CCDC60: variants seen among roughly 807,000 people sequenced by gnomAD.
CCDC60 encodes the protein coiled-coil domain-containing protein 60.
CCDC60 carries 54 observed loss-of-function variants against 63.5 expected under a neutral mutation model. The observed-to-expected ratio is 0.85, with a 90% CI of 0.68 to 1.07. The LOEUF is 1.07. Among genes scored for constraint, CCDC60 ranks in the 50% least tolerant of loss-of-function variants. The pLI, the probability that CCDC60 is intolerant of heterozygous loss-of-function variation, is 0.00. For synonymous variants in CCDC60, 206 were observed against 238.8 expected (o/e 0.86, Z 1.27); for missense variants, 651 against 684.3 (o/e 0.95, Z 0.54).
chr12:119,475,784 TG>T (rs1323477075), intron 3 of CCDC60, among the ~76,000 whole-genome samples: 3 of 152,186 alleles, frequency 2.0e-5, no homozygotes, highest in African/African-American at 7.2e-5. Flanking sequence ...GAGGATTAAA[TG>T]AAATGATACT....
At chr12:119,504,910 C>T (rs1951950029) in intron 6 of CCDC60, among the ~76,000 whole-genome samples, 159 bp from the exon 7 acceptor site, 1 of 152,156 alleles carries the variant, frequency 6.6e-6, no homozygotes, top group African/African-American at 2.4e-5. Context: ...CAGAATATAT[C>T]TCATGGTGTT....
At chr12:119,368,083 G>A (rs1955860202) in intron 1 of CCDC60, among the ~76,000 whole-genome samples, 1 of 150,088 alleles carries the variant, frequency 6.7e-6, no homozygotes, top group Admixed American at 6.7e-5. Context: ...AGAAGAAGGA[G>A]GAGGGGGAGG....
intron 1 of CCDC60, among the ~76,000 whole-genome samples, chr12:119,374,985 C>T (rs758519754): frequency 5.9e-5 from 9 of 152,060 alleles, no homozygotes; most frequent in African/African-American, 1.7e-4. Context: ...GCTTCCTTAC[C>T]GCATACTGTA....
At chr12:119,437,362 A>G (rs1253835422) in intron 2 of CCDC60, among the ~76,000 whole-genome samples, 4 of 152,208 alleles carry the variant, frequency 2.6e-5, no homozygotes, top group Non-Finnish European at 1.5e-5. Context: ...ATTCGAACCC[A>G]GATTTTCTAA....
intron 1 of CCDC60, among the ~76,000 whole-genome samples, chr12:119,398,621 C>A (rs1956330436): frequency 6.6e-6 from 1 of 152,236 alleles, no homozygotes; most frequent in Non-Finnish European, 1.5e-5. Context: ...GGCAGCAGAG[C>A]AAAACTCCAT....
intron 7 of CCDC60, among the ~76,000 whole-genome samples, chr12:119,508,688 C>T (rs189698276): frequency 3.2e-4 from 48 of 152,216 alleles, no homozygotes; most frequent in Admixed American, 7.2e-4. Context: ...GGCCAGAGCA[C>T]GCAGGGCCTT....
chr12:119,446,171 A>G (rs747317073), intron 2 of CCDC60, among the ~76,000 whole-genome samples: 3 of 152,272 alleles, frequency 2.0e-5, no homozygotes, highest in Non-Finnish European at 4.4e-5. Flanking sequence ...AGTCTCAAAA[A>G]AAAAGCTTAC....
chr12:119,525,377 A>C (rs776002264), intron 11 of CCDC60, among the ~76,000 whole-genome samples: 1 of 152,208 alleles, frequency 6.6e-6, no homozygotes, highest in African/African-American at 2.4e-5. Flanking sequence ...ATAATGAAGA[A>C]TGTTAAAGGC....
chr12:119,454,904 A>C (rs918611483), intron 2 of CCDC60, among the ~76,000 whole-genome samples: 1 of 152,188 alleles, frequency 6.6e-6, no homozygotes, highest in Admixed American at 6.5e-5. Context: ...ATTTGCTTCC[A>C]TCTGCCAGAA....
chr12:119,476,905 C>T (rs1293994075), intron 3 of CCDC60, among the ~76,000 whole-genome samples: 1 of 152,222 alleles, frequency 6.6e-6, no homozygotes, highest in Non-Finnish European at 1.5e-5. Flanking sequence ...TCCATTCAAC[C>T]TTCAGATTTC....
intron 1 of CCDC60, among the ~76,000 whole-genome samples, chr12:119,354,639 T>G (rs1279990917): frequency 6.6e-6 from 1 of 152,174 alleles, no homozygotes; most frequent in African/African-American, 2.4e-5. Flanking sequence ...TCCAGGCAAA[T>G]GGATGTGAGT....
At chr12:119,424,427 G>A (rs958902263) in intron 1 of CCDC60, among the ~76,000 whole-genome samples, 4 of 152,116 alleles carry the variant, frequency 2.6e-5, no homozygotes, top group African/African-American at 9.7e-5. Flanking sequence ...CAATGCCTAT[G>A]GTGGGACATT....
intron 1 of CCDC60, among the ~76,000 whole-genome samples, chr12:119,346,786 TTCTTTC>T (rs1955598803): frequency 1.2e-5 from 1 of 80,638 alleles, no homozygotes; most frequent in South Asian, 5.2e-4. Context: ...CTTTCTTTCT[TTCTTTC>T]TTTCTTTCTT....
At chr12:119,513,641 G>A (rs1952273462) in intron 7 of CCDC60, among the ~76,000 whole-genome samples, 1 of 152,162 alleles carries the variant, frequency 6.6e-6, no homozygotes, top group Non-Finnish European at 1.5e-5. Context: ...ACATAACAAT[G>A]TTTCAGTCAA....
intron 7 of CCDC60, 42 bp downstream of exon 7, chr12:119,505,345 TG>T: frequency 7.1e-7 from 1 of 1,415,858 alleles, no homozygotes; most frequent in Non-Finnish European, 9.8e-7. Flanking sequence ...CCTGACCCTT[TG>T]CCTTTAAGCC....
intron 1 of CCDC60, among the ~76,000 whole-genome samples, chr12:119,398,064 G>GC (rs1956308041): frequency 3.3e-5 from 2 of 60,996 alleles, no homozygotes; most frequent in Admixed American, 1.9e-4. Flanking sequence ...GAAGGGGGTG[G>GC]GGGGAGAGGA....
intron 1 of CCDC60, among the ~76,000 whole-genome samples, chr12:119,412,078 T>C (rs1370215227): frequency 6.6e-6 from 1 of 152,050 alleles, no homozygotes; most frequent in African/African-American, 2.4e-5. Flanking sequence ...CCTCAAAAGG[T>C]AATCCATGTA....
At chr12:119,412,683 T>C (rs1358033586) in intron 1 of CCDC60, among the ~76,000 whole-genome samples, 1 of 152,040 alleles carries the variant, frequency 6.6e-6, no homozygotes, top group Non-Finnish European at 1.5e-5. Flanking sequence ...GTTCTCTTAA[T>C]CAGAAAATAG....
Position 119,410,794 on chromosome 12 carries a change from G to C in CCDC60, c.91-17889G>C, listed in dbSNP as rs1956583208. On this transcript the variant is annotated intron_variant, in intron 1 of 13. Transcript: ENST00000327554. This position sits in a 1 kb window ranked among gnomAD's most constrained non-coding sequence, Gnocchi z 4.0. ...GTCTCGCTCTGTCACTCGGGCTGCA[G>C]TGCGGTGGCGCGATCTCAGCTCACT... Among the ~76,000 whole-genome samples the C allele has an allele frequency of 6.6e-6, 1 of 152,176 alleles. No homozygotes were observed. Among genetic ancestry groups the C allele is most frequent in the Non-Finnish European group, 1.5e-5 (1 of 68,044 alleles).
Sources: allele counts gnomAD v4.1 joint callset (sites outside exome capture counted in the v4.1 genomes callset), GRCh38; gene constraint gnomAD v4.1.1; non-coding constraint Gnocchi (gnomAD v3.1); transcripts MANE v1.5; gene names NCBI Gene and HGNC (gene_info 2026-07-23, HGNC 2026-07-21).